The following DIAPH2 variants were observed in gnomAD, a reference collection of about 807,000 sequenced individuals.
The protein encoded by DIAPH2 is diaphanous related formin 2.
A neutral mutation model predicts 92.7 loss-of-function variants in DIAPH2; 35 were observed. The observed-to-expected ratio is 0.38, with a 90% CI of 0.29 to 0.50. The LOEUF (loss-of-function observed/expected upper bound fraction) is 0.50. Ranked by LOEUF, DIAPH2 falls within the 20% of genes least tolerant of loss-of-function variation. DIAPH2 has a pLI of 0.94. For synonymous variants in DIAPH2, 301 were observed against 280.4 expected (o/e 1.07, Z -0.73); for missense variants, 701 against 819.5 (o/e 0.86, Z 1.77).
At chrX:97,422,202 TACACAC>T (rs202055477) in intron 25 of DIAPH2, among the ~76,000 whole-genome samples, 1 of 109,574 alleles carries the variant, frequency 9.1e-6, no homozygotes, top group African/African-American at 3.3e-5. Flanking sequence ...TTTGTAAATT[TACACAC>T]ACACACACAC....
At chrX:96,949,367 G>T (rs1333059693) in intron 15 of DIAPH2, among the ~76,000 whole-genome samples, 2 of 110,683 alleles carry the variant, frequency 1.8e-5, no homozygotes, top group Admixed American at 1.9e-4. Flanking sequence ...TGTAGAAATA[G>T]TCATTAATTG....
intron 4 of DIAPH2, among the ~76,000 whole-genome samples, chrX:96,768,265 A>G (rs1485466834): frequency 8.9e-6 from 1 of 112,126 alleles, no homozygotes; most frequent in Non-Finnish European, 1.9e-5. Context: ...TTTAAATAAG[A>G]GGTAATTTAA....
intron 5 of DIAPH2, among the ~76,000 whole-genome samples, chrX:96,906,384 G>T (rs1248889538): frequency 8.9e-6 from 1 of 112,077 alleles, no homozygotes; most frequent in Non-Finnish European, 1.9e-5. Context: ...TGTGGAAAAG[G>T]ATTCTTTAAT....
At chrX:97,289,381 G>A (rs1035472356) in intron 23 of DIAPH2, among the ~76,000 whole-genome samples, 2 of 111,919 alleles carry the variant, frequency 1.8e-5, no homozygotes, top group Non-Finnish European at 3.8e-5. Context: ...TCATGTTTAT[G>A]TCTTCATTTA....
At chrX:96,803,731 C>T (rs1235731532) in intron 4 of DIAPH2, among the ~76,000 whole-genome samples, 1 of 112,340 alleles carries the variant, frequency 8.9e-6, no homozygotes, top group African/African-American at 3.2e-5. Flanking sequence ...CCACCTACTA[C>T]CCATTCTTTC....
chrX:96,957,408 A>C (rs182874645), intron 15 of DIAPH2, among the ~76,000 whole-genome samples: 4 of 112,039 alleles, frequency 3.6e-5, no homozygotes, highest in African/African-American at 1.3e-4. Flanking sequence ...AATCATGGCC[A>C]AAGGGGAAGC....
chrX:97,557,173 G>A (rs918474725), intron 26 of DIAPH2, among the ~76,000 whole-genome samples: 13 of 111,714 alleles, frequency 1.2e-4, no homozygotes, highest in Admixed American at 8.6e-4. Context: ...TGTAGGGAGC[G>A]GCAGAATACA....
At chrX:96,832,536 G>A (rs900437244) in intron 4 of DIAPH2, among the ~76,000 whole-genome samples, 11 of 111,179 alleles carry the variant, frequency 9.9e-5, no homozygotes, top group Admixed American at 9.7e-5. Context: ...AGGATTGTGT[G>A]GTAGAAATTT....
At chrX:96,706,630 G>A (rs1433054046) in intron 1 of DIAPH2, among the ~76,000 whole-genome samples, 6 of 111,729 alleles carry the variant, frequency 5.4e-5, no homozygotes, top group Admixed American at 1.9e-4. Context: ...TGAGGTGATC[G>A]TGGGACATCA....
intron 23 of DIAPH2, among the ~76,000 whole-genome samples, chrX:97,302,352 A>T: frequency 9.1e-6 from 1 of 109,389 alleles, no homozygotes; most frequent in East Asian, 2.9e-4. Context: ...AATATGGTGA[A>T]ACCCTGTCTC....
In DIAPH2 at chrX:96,881,647, G is replaced by T. The variant is rs1434413075; in HGVS notation, c.516G>T (p.Ser172=). The T allele has an allele frequency of 1.7e-6, 2 of 1,206,608 alleles. No individual in the cohort carries two copies. The highest frequency in any genetic ancestry group is 2.2e-6 in the Non-Finnish European group (2 of 892,118). Residue 172 remains serine (S), a synonymous_variant, in exon 5 of 27, where the codon TCG becomes TCT. Transcript: ENST00000324765. The part of the protein sequence containing the change: ...SSQEYVHELR[S]GISDEKLLNC... ...AAGAATATGTTCATGAATTACGATCGGGTATATCAGATGAGAAACTTCTTA... is the reference window on the plus strand; with the variant it reads ...AAGAATATGTTCATGAATTACGATCTGGTATATCAGATGAGAAACTTCTTA...
intron 22 of DIAPH2, among the ~76,000 whole-genome samples, chrX:97,209,823 T>C (rs2067825907): frequency 9.0e-6 from 1 of 111,190 alleles, no homozygotes; most frequent in Non-Finnish European, 1.9e-5. Flanking sequence ...CTGCATTTTA[T>C]TGTTAGGACC....
chrX:97,193,585 A>C (rs1033953167), intron 22 of DIAPH2, among the ~76,000 whole-genome samples: 6 of 112,292 alleles, frequency 5.3e-5, no homozygotes, highest in Non-Finnish European at 9.4e-5. Context: ...TTTAATAAAG[A>C]CATTGATTGC....
At position 96,797,492 on chromosome X, in the gene DIAPH2, A is replaced by G. The variant is rs186778354; in HGVS notation, c.447+39234A>G. Among the ~76,000 whole-genome samples the G allele has an allele frequency of 1.6e-3, 177 of 111,652 alleles. 1 individual carries two copies. The highest frequency in any genetic ancestry group is 5.6e-3 in the African/African-American group (173 of 30,723). On this transcript the variant is annotated intron_variant, in intron 4 of 26. Transcript: ENST00000324765. ...CAAGACTCTGTCTCAAAAGAAAAAA[A>G]TAAAAAGAGGTTTAATTGGCTCTGC... is the stretch of plus-strand genomic sequence containing the variant.
At chrX:97,131,423 T>A (rs1021298736) in intron 21 of DIAPH2, among the ~76,000 whole-genome samples, 1 of 111,426 alleles carries the variant, frequency 9.0e-6, no homozygotes, top group African/African-American at 3.3e-5. Context: ...TAATGTTAAG[T>A]GCCATTTAAT....
Position 96,926,901 on chromosome X carries a change from G to A in DIAPH2, c.979-3832G>A, listed in dbSNP as rs887531922. On this transcript the variant is annotated intron_variant, in intron 9 of 26. Transcript: ENST00000324765. Reference sequence around the variant, plus strand: ...GTGACTTTAAAATTTTGATCCTCATGGAAGCTGTATTTGTAACAATAGATA... The same window carrying A: ...GTGACTTTAAAATTTTGATCCTCATAGAAGCTGTATTTGTAACAATAGATA... Among the ~76,000 whole-genome samples, 4 of 111,221 alleles carry A rather than the reference G, an allele frequency of 3.6e-5. No individual in the cohort carries two copies. The Admixed American group carries it at 3.9e-4, about 11-fold the overall frequency.
chrX:96,715,537 C>T (rs1232611088), intron 1 of DIAPH2, among the ~76,000 whole-genome samples: 7 of 111,607 alleles, frequency 6.3e-5, no homozygotes, highest in Non-Finnish European at 1.1e-4. Context: ...ATATGCTTTC[C>T]CGTGGCAGTA....
intron 1 of DIAPH2, among the ~76,000 whole-genome samples, chrX:96,691,184 C>T (rs1446288261): frequency 9.0e-6 from 1 of 111,233 alleles, no homozygotes; most frequent in African/African-American, 3.3e-5. Flanking sequence ...TACTGGGTAC[C>T]ACTAGCACTA....
chrX:97,320,588 G>A (rs1437307358), intron 23 of DIAPH2, among the ~76,000 whole-genome samples: 2 of 109,690 alleles, frequency 1.8e-5, no homozygotes, highest in African/African-American at 6.6e-5. Context: ...GGTGGCGGGC[G>A]CCTGCAGTCC....
Sources: allele counts gnomAD v4.1 joint callset (sites outside exome capture counted in the v4.1 genomes callset), GRCh38; gene constraint gnomAD v4.1.1; transcripts MANE v1.5; gene names NCBI Gene and HGNC (gene_info 2026-07-23, HGNC 2026-07-21).